The following PTPRQ variants were observed in gnomAD, a reference collection of about 807,000 sequenced individuals.
The protein encoded by PTPRQ is protein tyrosine phosphatase receptor type Q.
A neutral mutation model predicts 246.0 loss-of-function variants in PTPRQ; 199 were observed. That is an observed-to-expected ratio of 0.81 (90% CI 0.72 to 0.91). The LOEUF (loss-of-function observed/expected upper bound fraction) is 0.91. Among genes scored for constraint, PTPRQ ranks in the 40% least tolerant of loss-of-function variants. The pLI, the probability that PTPRQ is intolerant of heterozygous loss-of-function variation, is 0.00. For synonymous variants in PTPRQ, 869 were observed against 853.2 expected (o/e 1.02, Z -0.32); for missense variants, 2,624 against 2,528.4 (o/e 1.04, Z -0.81).
At chr12:80,655,725 G>T (rs1900411069) in intron 38 of PTPRQ, among the ~76,000 whole-genome samples, 1 of 152,006 alleles carries the variant, frequency 6.6e-6, no homozygotes, top group Admixed American at 6.6e-5. Flanking sequence ...CCATAAAGCT[G>T]AAGAAAATTT....
At chr12:80,521,745 A>C (rs1354170741) in intron 17 of PTPRQ, among the ~76,000 whole-genome samples, 1 of 152,182 alleles carries the variant, frequency 6.6e-6, no homozygotes, top group Non-Finnish European at 1.5e-5. Flanking sequence ...TACCAGTACC[A>C]TGCTGTTTTG....
intron 30 of PTPRQ, 55 bp from the exon 31 acceptor site, chr12:80,619,329 T>A: frequency 1.3e-6 from 2 of 1,502,936 alleles, no homozygotes; most frequent in South Asian, 2.6e-5. Flanking sequence ...AGATTTTTTC[T>A]TTTGTTGATG....
At chr12:80,572,201 A>T (rs1046698660) in intron 25 of PTPRQ, among the ~76,000 whole-genome samples, 1 of 152,046 alleles carries the variant, frequency 6.6e-6, no homozygotes, top group African/African-American at 2.4e-5. Context: ...TATTTATTTC[A>T]GTAATGTTTT....
intron 33 of PTPRQ, among the ~76,000 whole-genome samples, chr12:80,631,737 T>A (rs370537002): frequency 3.5e-4 from 53 of 152,204 alleles, no homozygotes; most frequent in African/African-American, 1.2e-3. Flanking sequence ...CTCCAGGGTT[T>A]TGGCCTTAGC....
chr12:80,588,357 A>G lies in PTPRQ; in HGVS notation c.4514A>G (p.Lys1505Arg). Reference protein sequence around the residue: ...HLTEETVYGLKKFRWYRFQVA... With the variant: ...HLTEETVYGLRKFRWYRFQVA... ...ACTGAAGAGACAGTATATGGATTAA[A>G]GAAATTTAGATGGTATAGATTCCAA... Residue 1505 changes from lysine to arginine, a missense_variant, in exon 26 of 45, where the codon AAG becomes AGG. Physicochemically the swap from Lys to Arg is conservative, Grantham distance 26. Transcript: ENST00000644991. 1 of 1,548,404 alleles carries G rather than the reference A, an allele frequency of 6.5e-7. No homozygotes were observed. Among genetic ancestry groups the G allele is most frequent in the Non-Finnish European group, 8.7e-7 (1 of 1,145,058 alleles).
chr12:80,513,186 C>A (rs904546069), intron 17 of PTPRQ, among the ~76,000 whole-genome samples: 4 of 152,080 alleles, frequency 2.6e-5, no homozygotes, highest in South Asian at 2.1e-4. Flanking sequence ...CTTGGAGTAC[C>A]AGAACTGGAT....
intron 21 of PTPRQ, 93 bp downstream of exon 21, chr12:80,541,938 TTC>T: frequency 3.4e-6 from 5 of 1,462,142 alleles, no homozygotes; most frequent in Non-Finnish European, 4.5e-6. Context: ...ATTATATTGA[TTC>T]TGTTTGATCT....
intron 6 of PTPRQ, among the ~76,000 whole-genome samples, chr12:80,461,771 T>G (rs1260151575): frequency 6.6e-6 from 1 of 151,702 alleles, no homozygotes; most frequent in Non-Finnish European, 1.5e-5. Context: ...TATTTTTCAT[T>G]TCATATAAGT....
chr12:80,484,057 G>C (rs964905964), intron 8 of PTPRQ, among the ~76,000 whole-genome samples: 1 of 151,798 alleles, frequency 6.6e-6, no homozygotes, highest in Non-Finnish European at 1.5e-5. Context: ...CCAGGCTGGA[G>C]TGCAGTGGTG....
intron 17 of PTPRQ, among the ~76,000 whole-genome samples, chr12:80,529,115 C>T (rs533396202): frequency 1.9e-4 from 29 of 152,238 alleles, no homozygotes; most frequent in Middle Eastern, 6.8e-3. Flanking sequence ...TAATCACTAG[C>T]CTACTGATGC....
chr12:80,649,868 T>C (rs891758564), intron 37 of PTPRQ, among the ~76,000 whole-genome samples, 199 bp downstream of exon 37: 1 of 152,118 alleles, frequency 6.6e-6, no homozygotes, highest in Non-Finnish European at 1.5e-5. Flanking sequence ...ATTCACCTAC[T>C]GTGTCAGGAA....
intron 25 of PTPRQ, among the ~76,000 whole-genome samples, chr12:80,555,940 T>C (rs564547403): frequency 6.6e-6 from 1 of 152,240 alleles, no homozygotes; most frequent in South Asian, 2.1e-4. Flanking sequence ...GCCCTGCACA[T>C]CCAAATAACT....
intron 30 of PTPRQ, among the ~76,000 whole-genome samples, chr12:80,618,547 ATC>A (rs1479981490): frequency 6.6e-6 from 1 of 151,610 alleles, no homozygotes; most frequent in Non-Finnish European, 1.5e-5. Context: ...AAGTACATAT[ATC>A]TTTTGTTCTA....
intron 15 of PTPRQ, 53 bp downstream of exon 15, chr12:80,506,259 C>T: frequency 7.2e-7 from 1 of 1,392,462 alleles, no homozygotes; most frequent in South Asian, 1.5e-5. Context: ...ACAGAGTAGC[C>T]ACAAATATTA....
At chr12:80,475,667 A>G (rs555610576) in intron 8 of PTPRQ, among the ~76,000 whole-genome samples, 1 of 152,218 alleles carries the variant, frequency 6.6e-6, no homozygotes, top group South Asian at 2.1e-4. Context: ...AGGAAAAAAA[A>G]GATAAGTTTA....
intron 35 of PTPRQ, among the ~76,000 whole-genome samples, chr12:80,643,620 G>A (rs1317140220): frequency 6.6e-6 from 1 of 152,128 alleles, no homozygotes; most frequent in Non-Finnish European, 1.5e-5. Context: ...GCAGAAGGAT[G>A]TGAAAGAATG....
chr12:80,549,283 G>A (rs914173823), intron 24 of PTPRQ, among the ~76,000 whole-genome samples, 182 bp from the exon 25 acceptor site: 1 of 152,050 alleles, frequency 6.6e-6, no homozygotes, highest in Admixed American at 6.6e-5. Flanking sequence ...AGCATAAAAA[G>A]CAAGTCAACA....
chr12:80,589,818 T>A (rs1057392997), intron 26 of PTPRQ, among the ~76,000 whole-genome samples: 56 of 152,190 alleles, frequency 3.7e-4, no homozygotes, highest in Admixed American at 2.0e-4. Flanking sequence ...TCCTGGTAGC[T>A]CCGTCTCCGT....
chr12:80,506,271 T>G, intron 15 of PTPRQ, 65 bp downstream of exon 15: 8 of 1,379,176 alleles, frequency 5.8e-6, no homozygotes, highest in Non-Finnish European at 7.7e-6. Context: ...CAAATATTAG[T>G]TTAATGTTAA....
Sources: gnomAD v4.1 joint callset for allele counts (sites outside exome capture counted in the v4.1 genomes callset) on GRCh38, gnomAD v4.1.1 for gene constraint, MANE v1.5 for transcripts, NCBI Gene and HGNC (gene_info 2026-07-23, HGNC 2026-07-21) for gene names.